Variants in NPNT observed in about 807,000 individuals in gnomAD.
The protein encoded by NPNT is nephronectin, also known as preosteoblast EGF-like repeat protein with MAM domain.
Under a neutral mutation model 68.6 loss-of-function variants are expected in NPNT, and 45 were observed. The observed-to-expected ratio is 0.66, with a 90% CI of 0.52 to 0.84. The LOEUF is 0.84. NPNT is among the 40% of genes least tolerant of loss of function. The pLI, the probability that NPNT is intolerant of heterozygous loss-of-function variation, is 0.00. For synonymous variants in NPNT, 233 were observed against 253.3 expected (o/e 0.92, Z 0.76); for missense variants, 672 against 714.8 (o/e 0.94, Z 0.68).
chr4:105,931,711 G>A (rs10014558), intron 3 of NPNT, among the ~76,000 whole-genome samples: 1 of 149,476 alleles, frequency 6.7e-6, no homozygotes, highest in Non-Finnish European at 1.5e-5. Context: ...ATGGTGGCAG[G>A]TGCCTGTAGT....
intron 2 of NPNT, among the ~76,000 whole-genome samples, chr4:105,913,305 G>C (rs577218128): frequency 1.3e-4 from 20 of 152,240 alleles, no homozygotes; most frequent in African/African-American, 4.6e-4. Flanking sequence ...TCTTTGTTCA[G>C]GGAGACTTAA....
chr4:105,933,703 A>G (rs1180962759), intron 3 of NPNT, among the ~76,000 whole-genome samples: 6 of 152,180 alleles, frequency 3.9e-5, no homozygotes, highest in Non-Finnish European at 8.8e-5. Flanking sequence ...TTTTCAAGCT[A>G]CTTTTCAGTG....
chr4:105,937,610 A>G (rs1166277660), intron 4 of NPNT, among the ~76,000 whole-genome samples: 1 of 152,104 alleles, frequency 6.6e-6, no homozygotes, highest in East Asian at 1.9e-4. Context: ...TTAGACTCTA[A>G]TAATAGTCTA....
intron 1 of NPNT, among the ~76,000 whole-genome samples, chr4:105,896,234 T>C (rs1578558094): frequency 6.6e-6 from 1 of 152,152 alleles, no homozygotes; most frequent in East Asian, 1.9e-4. Context: ...TGTGGGCCTC[T>C]CCATTTGGTT....
Position 105,969,744 on chromosome 4 carries a change from T to G in NPNT, c.*754T>G, listed in dbSNP as rs887709290. On this transcript the variant is annotated 3_prime_UTR_variant, in exon 12 of 12. Transcript: ENST00000379987. ...GATCTCAAAAAAATACATGGTGAAATGTCATCCAGTTCCATGACCTTATAT... is the reference window on the plus strand; with the variant it reads ...GATCTCAAAAAAATACATGGTGAAAGGTCATCCAGTTCCATGACCTTATAT... The G allele has an allele frequency of 2.0e-5, 3 of 152,224 alleles. No individual in the cohort carries two copies. The highest frequency in any genetic ancestry group is 7.2e-5 in the African/African-American group (3 of 41,430). 9.4% of individuals were successfully genotyped at this position (152,224 alleles called of 1,614,324 possible). A position where few individuals can be genotyped will look rare whatever the true frequency, so the allele number is the denominator to read the frequency against.
rs58185526 is a variant in NPNT at position 105,936,867 on chromosome 4, G to C, written c.266-142G>C. ...CTTCAAATTAATATTGCATGAACAG[G>C]ATCTATCTCTTATGTAAATGACAGT... On this transcript the variant is annotated intron_variant, in intron 3 of 11. Transcript: ENST00000379987. The C allele has an allele frequency of 6.5e-3, 5,071 of 783,474 alleles. 205 individuals are homozygous for C. The African/African-American group carries it at 0.079, about 12-fold the overall frequency. 48.5% of individuals were successfully genotyped at this position (783,474 alleles called of 1,614,324 possible).
intron 10 of NPNT, 96 bp from the exon 11 acceptor site, chr4:105,967,092 A>G: frequency 7.9e-7 from 1 of 1,268,426 alleles, no homozygotes; most frequent in Non-Finnish European, 1.1e-6. Context: ...TTTACAAAGA[A>G]AAGAAAAAAA....
At chr4:105,951,583 A>G (rs1199355115) in intron 8 of NPNT, among the ~76,000 whole-genome samples, 1 of 152,208 alleles carries the variant, frequency 6.6e-6, no homozygotes, top group Non-Finnish European at 1.5e-5. Flanking sequence ...TCTTGTAAAC[A>G]GTAAGACCTG....
chr4:105,940,786 A>G (rs942438321), intron 7 of NPNT, 150 bp downstream of exon 7: 1 of 691,824 alleles, frequency 1.4e-6, no homozygotes, highest in African/African-American at 1.8e-5. Flanking sequence ...ACAAACAATA[A>G]AATCACTTGC....
chr4:105,947,979 GAATGGAATGA>G (rs1730519894), intron 8 of NPNT, among the ~76,000 whole-genome samples: 1 of 152,076 alleles, frequency 6.6e-6, no homozygotes, highest in Non-Finnish European at 1.5e-5. Flanking sequence ...AATATTTGTT[GAATGGAATGA>G]AATGGAATTT....
rs192419697 is a variant in NPNT at position 105,971,289 on chromosome 4, C to T, written c.*2299C>T. 37 of 362,748 alleles carry T rather than the reference C, an allele frequency of 1.0e-4. No homozygotes were observed. Among genetic ancestry groups the T allele is most frequent in the African/African-American group, 7.0e-4 (33 of 47,270 alleles). The allele number at this position is 362,748 out of a possible 1,614,324, so 22.5% of individuals were successfully genotyped here. On this transcript the variant is annotated 3_prime_UTR_variant, in exon 12 of 12. Coordinates refer to ENST00000379987, the MANE Select transcript of NPNT (RefSeq NM_001033047.3). ...CTTATCAATTGGACTCTCCCAGGTTCCACAGAACAGTAATATTTTTTGAAC... is the reference window on the plus strand; with the variant it reads ...CTTATCAATTGGACTCTCCCAGGTTTCACAGAACAGTAATATTTTTTGAAC...
Position 105,940,645 on chromosome 4 carries a change from C to T in NPNT, c.763+9C>T, listed in dbSNP as rs751088229. The T allele has an allele frequency of 1.9e-6, 3 of 1,611,234 alleles. No individual in the cohort carries two copies. The highest frequency in any genetic ancestry group is 2.5e-6 in the Non-Finnish European group (3 of 1,178,488). On this transcript the variant is annotated intron_variant, in intron 7 of 11. Coordinates refer to ENST00000379987, the MANE Select transcript of NPNT (RefSeq NM_001033047.3). ...TGGACTGACTTGTGTGTGTGAGTAGCACTTGTCTCTCAGCTTTAAATTCTA... is the reference window on the plus strand; with the variant it reads ...TGGACTGACTTGTGTGTGTGAGTAGTACTTGTCTCTCAGCTTTAAATTCTA...
chr4:105,958,894 G>T (rs933742016), intron 9 of NPNT, 134 bp from the exon 10 acceptor site: 4 of 628,172 alleles, frequency 6.4e-6, no homozygotes, highest in Non-Finnish European at 1.1e-5. Flanking sequence ...TTTCCCTTTG[G>T]TCTTATGGAA....
intron 8 of NPNT, among the ~76,000 whole-genome samples, chr4:105,951,822 A>T (rs1730860738): frequency 6.6e-6 from 1 of 152,230 alleles, no homozygotes; most frequent in African/African-American, 2.4e-5. Flanking sequence ...CCAAAGTCAG[A>T]AGTCAGATTT....
At chr4:105,931,742 T>C (rs916085407) in intron 3 of NPNT, among the ~76,000 whole-genome samples, 1 of 149,902 alleles carries the variant, frequency 6.7e-6, no homozygotes, top group Non-Finnish European at 1.5e-5. Context: ...CGGGAGGCTG[T>C]GGCAGGAGAA....
chr4:105,940,692 A>C, intron 7 of NPNT, 56 bp downstream of exon 7: 1 of 1,483,958 alleles, frequency 6.7e-7, no homozygotes, highest in Non-Finnish European at 9.3e-7. Flanking sequence ...AGGATTACAC[A>C]AAGGCCATTG....
chr4:105,959,175 C>A, intron 10 of NPNT, 49 bp downstream of exon 10: 2 of 1,142,304 alleles, frequency 1.8e-6, no homozygotes, highest in Non-Finnish European at 2.7e-6. Flanking sequence ...CAATGTGATA[C>A]TATCTGAAGA....
At chr4:105,908,536 C>G (rs1222362782) in intron 2 of NPNT, among the ~76,000 whole-genome samples, 1 of 150,622 alleles carries the variant, frequency 6.6e-6, no homozygotes, top group Non-Finnish European at 1.5e-5. Flanking sequence ...CTTACTTTGC[C>G]AAAAACCATG....
At chr4:105,964,911 T>C (rs909620939) in intron 10 of NPNT, among the ~76,000 whole-genome samples, 5 of 152,228 alleles carry the variant, frequency 3.3e-5, no homozygotes, top group African/African-American at 1.2e-4. Flanking sequence ...GAAAAATGGT[T>C]ATACAAGAAG....
Sources: allele counts gnomAD v4.1 joint callset (sites outside exome capture counted in the v4.1 genomes callset), GRCh38; gene constraint gnomAD v4.1.1; transcripts MANE v1.5; gene names NCBI Gene and HGNC (gene_info 2026-07-23, HGNC 2026-07-21).